CLASP1: variants seen among roughly 807,000 people sequenced by gnomAD.
CLASP1 encodes the protein cytoplasmic linker associated protein 1.
In CLASP1, 38 loss-of-function variants were observed where a neutral mutation model predicts 192.3. The ratio of observed to expected loss-of-function variants is 0.20; its 90% confidence interval spans 0.15 to 0.26. CLASP1 has a LOEUF of 0.26. Ranked by LOEUF, CLASP1 falls within the 10% of genes least tolerant of loss-of-function variation. The pLI, the probability that CLASP1 is intolerant of heterozygous loss-of-function variation, is 1.00. For synonymous variants in CLASP1, 691 were observed against 712.8 expected (o/e 0.97, Z 0.49); for missense variants, 1,433 against 1,932.5 (o/e 0.74, Z 4.85).
At chr2:121,489,921 A>G (rs2093207959) in intron 8 of CLASP1, among the ~76,000 whole-genome samples, 1 of 152,252 alleles carries the variant, frequency 6.6e-6, no homozygotes, top group Non-Finnish European at 1.5e-5. Context: ...ACTTAGCGTT[A>G]TTAACAAATA....
At chr2:121,386,494 T>C (rs182957787) in intron 32 of CLASP1, among the ~76,000 whole-genome samples, 1 of 152,202 alleles carries the variant, frequency 6.6e-6, no homozygotes, top group Non-Finnish European at 1.5e-5. Context: ...TTCTAAAGGC[T>C]CTTGTCAGAT....
intron 20 of CLASP1, among the ~76,000 whole-genome samples, chr2:121,428,345 A>G (rs529819160): frequency 2.7e-4 from 41 of 152,352 alleles, no homozygotes; most frequent in Admixed American, 7.8e-4. Context: ...AATACTGTTC[A>G]ACCCTCAACC....
Position 121,387,463 on chromosome 2 carries a change from A to G in CLASP1, c.3268-235T>C, listed in dbSNP as rs141901842. 2.1e-3 allele frequency among the ~76,000 whole-genome samples: 324 copies of G among 152,284 alleles called. 1 individual carries two copies. The highest frequency in any genetic ancestry group is 7.3e-3 in the African/African-American group (305 of 41,558). On this transcript the variant is annotated intron_variant, in intron 31 of 39. Transcript: ENST00000263710. ...TTGATGTTGGGTGTGCTAGAGTGAC[A>G]GACAAAATTGAGCACTTGCATCTTT...
At chr2:121,591,870 C>G (rs2062440126) in intron 2 of CLASP1, among the ~76,000 whole-genome samples, 2 of 152,228 alleles carry the variant, frequency 1.3e-5, no homozygotes, top group Admixed American at 1.3e-4. Flanking sequence ...TCTCTAACAG[C>G]TCCTTCTTTG....
intron 2 of CLASP1, among the ~76,000 whole-genome samples, chr2:121,591,416 T>C (rs2062386902): frequency 6.6e-6 from 1 of 152,258 alleles, no homozygotes; most frequent in East Asian, 1.9e-4. Context: ...CACTTCCTCT[T>C]AGTCCTAGTC....
chr2:121,381,121 C>T (rs1166675203), intron 33 of CLASP1, among the ~76,000 whole-genome samples: 1 of 152,102 alleles, frequency 6.6e-6, no homozygotes. Flanking sequence ...AAACATTCAT[C>T]GCAGGGTTCT....
intron 19 of CLASP1, among the ~76,000 whole-genome samples, chr2:121,440,031 T>C (rs996263089): frequency 2.7e-5 from 4 of 146,572 alleles, no homozygotes; most frequent in Admixed American, 6.9e-5. Flanking sequence ...CACGTATACA[T>C]ATGTAACTAA....
intron 13 of CLASP1, 134 bp from the exon 14 acceptor site, chr2:121,457,891 G>A: frequency 3.1e-5 from 18 of 589,486 alleles, no homozygotes; most frequent in Non-Finnish European, 3.5e-5. Context: ...AGTTTTAAAA[G>A]AAAAAAAGAA....
chr2:121,386,518 C>A (rs1470960406), intron 32 of CLASP1, among the ~76,000 whole-genome samples: 1 of 152,224 alleles, frequency 6.6e-6, no homozygotes, highest in Non-Finnish European at 1.5e-5. Flanking sequence ...GAAGTATTAT[C>A]TAAAGATCCC....
intron 2 of CLASP1, chr2:121,530,529 C>A: frequency 1.8e-6 from 1 of 554,798 alleles, no homozygotes; most frequent in Non-Finnish European, 3.3e-6. Flanking sequence ...ATGGAAAATA[C>A]TCGGTGAGGA....
intron 32 of CLASP1, 64 bp from the exon 34 acceptor site, chr2:121,382,388 G>GCCCC: frequency 1.0e-6 from 1 of 961,638 alleles, no homozygotes; most frequent in Non-Finnish European, 1.5e-6. Context: ...AGGGGAGGAG[G>GCCCC]AAAGCACTAC....
chr2:121,626,752 A>G (rs1396621650), intron 1 of CLASP1, among the ~76,000 whole-genome samples: 5 of 152,294 alleles, frequency 3.3e-5, no homozygotes. Flanking sequence ...TTCACTTTCT[A>G]ATTCAAAATC....
rs576955481 is a variant in CLASP1 at position 121,513,794 on chromosome 2, C to T, written c.644+1871G>A. On this transcript the variant is annotated intron_variant, in intron 7 of 39. Transcript: ENST00000263710. ...CCCTCAGCAGTGAGTTGTAACAACACAAGTGAGATGCTTTCTATCAGGAAT... is the reference window on the plus strand; with the variant it reads ...CCCTCAGCAGTGAGTTGTAACAACATAAGTGAGATGCTTTCTATCAGGAAT... 5.9e-5 allele frequency among the ~76,000 whole-genome samples: 9 copies of T among 152,366 alleles called. No individual in the cohort carries two copies. In the South Asian group the frequency reaches 6.2e-4, roughly 11 times the overall value.
intron 2 of CLASP1, among the ~76,000 whole-genome samples, chr2:121,548,086 A>G (rs1364355731): frequency 6.6e-6 from 1 of 152,234 alleles, no homozygotes; most frequent in East Asian, 1.9e-4. Context: ...AATGACAAAA[A>G]TAGAATTTAG....
At chr2:121,608,463 C>T (rs1392368134) in intron 1 of CLASP1, among the ~76,000 whole-genome samples, 1 of 152,146 alleles carries the variant, frequency 6.6e-6, no homozygotes, top group Non-Finnish European at 1.5e-5. Context: ...AGAATGCTGC[C>T]CTGGGACGGC....
rs1309011633 is a variant in CLASP1, at chr2:121,525,707, A to G, written c.546+138T>C. The G allele has an allele frequency of 4.8e-6, 3 of 624,824 alleles. No homozygotes were observed. The East Asian group carries it at 8.3e-5, about 17-fold the overall frequency. The allele number at this position is 624,824 out of a possible 1,614,324, so 38.7% of individuals were successfully genotyped here. A position where few individuals can be genotyped will look rare whatever the true frequency, so the allele number is the denominator to read the frequency against. On this transcript the variant is annotated intron_variant, in intron 6 of 39. Coordinates refer to ENST00000263710, the Ensembl canonical transcript of CLASP1. ...ATGTATAAATATTTTATAAATGCTA[A>G]TGGGTACTGGATCTCTTAAATAATC...
intron 2 of CLASP1, chr2:121,531,096 C>CACAAG: frequency 3.1e-6 from 2 of 652,436 alleles, no homozygotes; most frequent in South Asian, 3.2e-5. Flanking sequence ...GTAGAGGGTG[C>CACAAG]ACAAGACGCG....
chr2:121,461,183 C>T, exon 11 of CLASP1: 2 of 1,589,130 alleles, frequency 1.3e-6, no homozygotes, highest in South Asian at 2.3e-5. Context: ...AAGGTCTCGG[C>T]TGGAATAAAT....
intron 8 of CLASP1, among the ~76,000 whole-genome samples, chr2:121,476,780 T>C (rs936323680): frequency 2.0e-5 from 3 of 152,280 alleles, no homozygotes; most frequent in South Asian, 2.1e-4. Flanking sequence ...TCCCTGCTAA[T>C]TGAGATTCTC....
Sources: gnomAD v4.1 joint callset for allele counts (sites outside exome capture counted in the v4.1 genomes callset) on GRCh38, gnomAD v4.1.1 for gene constraint, MANE v1.5 for transcripts, NCBI Gene and HGNC (gene_info 2026-07-23, HGNC 2026-07-21) for gene names.